The following FSIP1 variants were observed in gnomAD, a reference collection of about 807,000 sequenced individuals.
The protein encoded by FSIP1 is fibrous sheath-interacting protein 1.
FSIP1 carries 65 observed loss-of-function variants against 60.9 expected under a neutral mutation model. The observed-to-expected ratio is 1.07, with a 90% CI of 0.87 to 1.31. The LOEUF (loss-of-function observed/expected upper bound fraction) is 1.31, where lower values mean the gene tolerates loss of function less well. FSIP1 is among the 40% of genes most tolerant of loss of function. The pLI, the probability that FSIP1 is intolerant of heterozygous loss-of-function variation, is 0.00. For synonymous variants in FSIP1, 209 were observed against 221.2 expected, an observed-to-expected ratio of 0.94 and a Z score of 0.49; for missense variants, 675 against 665.5, an observed-to-expected ratio of 1.01 and a Z score of -0.16.
chr15:39,650,904 GTTTCC>G (rs1308103232), intron 10 of FSIP1, among the ~76,000 whole-genome samples: 2 of 152,194 alleles, frequency 1.3e-5, no homozygotes, highest in Admixed American at 6.5e-5. Flanking sequence ...ATTAATTTAG[GTTTCC>G]TGTCATTTGG....
At chr15:39,607,428 C>A (rs560017075) in intron 11 of FSIP1, among the ~76,000 whole-genome samples, 2 of 152,326 alleles carry the variant, frequency 1.3e-5, no homozygotes, top group East Asian at 1.9e-4. Context: ...CTCTCTCAGT[C>A]GGTTCTGACC....
At chr15:39,767,965 T>C (rs1041745855) in intron 3 of FSIP1, among the ~76,000 whole-genome samples, 4 of 152,298 alleles carry the variant, frequency 2.6e-5, no homozygotes, top group Middle Eastern at 3.4e-3. Flanking sequence ...GAGGGTCTCA[T>C]TGAGCTGATT....
At chr15:39,760,891 T>C (rs1170580918) in intron 5 of FSIP1, among the ~76,000 whole-genome samples, 5 of 152,150 alleles carry the variant, frequency 3.3e-5, no homozygotes, top group Admixed American at 6.6e-5. Flanking sequence ...GTACTACTTA[T>C]GCAAGTTTTC....
chr15:39,744,280 T>C (rs1002575621), intron 5 of FSIP1, among the ~76,000 whole-genome samples: 9 of 152,042 alleles, frequency 5.9e-5, no homozygotes, highest in African/African-American at 2.2e-4. Context: ...CAAACATTCA[T>C]GTGAGAAGGA....
At chr15:39,652,608 G>A (rs75046702) in intron 10 of FSIP1, among the ~76,000 whole-genome samples, 3,085 of 152,064 alleles carry the variant, frequency 0.02, 104 homozygotes, top group African/African-American at 0.071. Flanking sequence ...CTTTCTACTG[G>A]ATATAATTTC....
Position 39,622,990 on chromosome 15 carries a change from T to A in FSIP1, c.1189-4745A>T, listed in dbSNP as rs1163182363. Among the ~76,000 whole-genome samples the A allele has an allele frequency of 2.0e-5, 3 of 152,022 alleles. No individual in the cohort carries two copies. The East Asian group carries it at 5.8e-4, about 29-fold the overall frequency. Reference sequence around the variant, plus strand: ...ACACAGTGTATGTTTTATGCAAACATATATAGTGCCCTCTCTTTTAGCTCA... The same window carrying A: ...ACACAGTGTATGTTTTATGCAAACAAATATAGTGCCCTCTCTTTTAGCTCA... On this transcript the variant is annotated intron_variant, in intron 10 of 11. Coordinates refer to ENST00000350221, the MANE Select transcript of FSIP1 (RefSeq NM_152597.5).
At chr15:39,779,480 G>A (rs935398985) in intron 1 of FSIP1, among the ~76,000 whole-genome samples, 4 of 152,080 alleles carry the variant, frequency 2.6e-5, no homozygotes, top group African/African-American at 9.7e-5. Context: ...GTACTAAAAG[G>A]TATTTGAAAA....
intron 10 of FSIP1, among the ~76,000 whole-genome samples, chr15:39,620,612 C>T (rs1299886209): frequency 1.3e-5 from 2 of 149,420 alleles, no homozygotes; most frequent in East Asian, 3.9e-4. Flanking sequence ...TTTTTTTTGA[C>T]ATGGAGTCTT....
chr15:39,773,217 C>T (rs28668904), intron 2 of FSIP1, among the ~76,000 whole-genome samples: 2,256 of 152,148 alleles, frequency 0.015, 65 homozygotes, highest in African/African-American at 0.052. Context: ...ACTAGCACAC[C>T]AAGATTTATT....
intron 2 of FSIP1, among the ~76,000 whole-genome samples, chr15:39,772,443 G>A (rs894897375): frequency 2.0e-4 from 30 of 151,392 alleles, no homozygotes; most frequent in African/African-American, 7.3e-4. Context: ...ACAGGCGCAT[G>A]CCACCACACC....
At chr15:39,729,661 G>A (rs1172724374) in intron 8 of FSIP1, among the ~76,000 whole-genome samples, 3 of 152,052 alleles carry the variant, frequency 2.0e-5, no homozygotes, top group Non-Finnish European at 4.4e-5. Context: ...CAATAGACTG[G>A]ATAAAGAAAA....
chr15:39,673,591 C>G (rs545592490), intron 10 of FSIP1, among the ~76,000 whole-genome samples: 2 of 152,170 alleles, frequency 1.3e-5, no homozygotes, highest in African/African-American at 4.8e-5. Flanking sequence ...ACTGGGATTA[C>G]GAAGATGAGC....
intron 10 of FSIP1, among the ~76,000 whole-genome samples, chr15:39,681,655 A>C (rs1477152111): frequency 6.6e-6 from 1 of 152,206 alleles, no homozygotes; most frequent in African/African-American, 2.4e-5. Context: ...ATAACACAGA[A>C]GGAGAGTTAA....
chr15:39,743,255 A>G (rs1896865537), intron 5 of FSIP1, among the ~76,000 whole-genome samples: 1 of 152,198 alleles, frequency 6.6e-6, no homozygotes, highest in African/African-American at 2.4e-5. Context: ...CAGGTGGGTA[A>G]GAAGAATTTG....
intron 10 of FSIP1, among the ~76,000 whole-genome samples, chr15:39,618,660 G>A (rs867089990): frequency 1.3e-5 from 2 of 152,362 alleles, no homozygotes; most frequent in African/African-American, 2.4e-5. Context: ...TACAGGTCTA[G>A]GCAGAGGCCA....
At chr15:39,713,213 A>T (rs1310641641) in intron 10 of FSIP1, among the ~76,000 whole-genome samples, 1 of 152,202 alleles carries the variant, frequency 6.6e-6, no homozygotes, top group Non-Finnish European at 1.5e-5. Flanking sequence ...AACAGTCATA[A>T]AACAGTCAAA....
intron 5 of FSIP1, among the ~76,000 whole-genome samples, chr15:39,751,345 C>A (rs1383382313): frequency 6.6e-6 from 1 of 151,528 alleles, no homozygotes; most frequent in Non-Finnish European, 1.5e-5. Flanking sequence ...CTCCATTATT[C>A]ATAATAGCCA....
intron 10 of FSIP1, among the ~76,000 whole-genome samples, chr15:39,707,107 C>T (rs1895304319): frequency 6.6e-6 from 1 of 152,008 alleles, no homozygotes; most frequent in Non-Finnish European, 1.5e-5. Context: ...GTTCCTCTGC[C>T]CCCTTGATCT....
intron 3 of FSIP1, among the ~76,000 whole-genome samples, chr15:39,767,804 T>C (rs1897744376): frequency 6.6e-6 from 1 of 152,148 alleles, no homozygotes; most frequent in Non-Finnish European, 1.5e-5. Flanking sequence ...TCCATCCCCG[T>C]TCCAGCTCCC....
Sources: allele counts gnomAD v4.1 joint callset (sites outside exome capture counted in the v4.1 genomes callset), GRCh38; gene constraint gnomAD v4.1.1; transcripts MANE v1.5; gene names NCBI Gene and HGNC (gene_info 2026-07-23, HGNC 2026-07-21).